RAP1GDS1: variants seen among roughly 807,000 people sequenced by gnomAD.
RAP1GDS1 encodes the protein RAP1, GTP-GDP dissociation stimulator 1.
RAP1GDS1 carries 35 observed loss-of-function variants against 71.1 expected under a neutral mutation model. That is an observed-to-expected ratio of 0.49 (90% CI 0.38 to 0.65). The LOEUF (loss-of-function observed/expected upper bound fraction) is 0.65. Ranked by LOEUF, RAP1GDS1 falls within the 30% of genes least tolerant of loss-of-function variation. The pLI is 0.00. For missense variants in RAP1GDS1, 663 were observed against 706.1 expected, an observed-to-expected ratio of 0.94 and a Z score of 0.69; for synonymous variants, 229 against 243.1, an observed-to-expected ratio of 0.94 and a Z score of 0.54.
intron 1 of RAP1GDS1, among the ~76,000 whole-genome samples, chr4:98,279,795 T>G (rs1017393777): frequency 6.6e-6 from 1 of 152,172 alleles, no homozygotes; most frequent in Admixed American, 6.5e-5. Context: ...TGTGTGATGT[T>G]CCCTGCCCTG....
intron 1 of RAP1GDS1, among the ~76,000 whole-genome samples, chr4:98,273,114 G>A (rs555363257): frequency 3.3e-5 from 5 of 152,116 alleles, no homozygotes; most frequent in East Asian, 3.9e-4. Flanking sequence ...CTAGGCTCTC[G>A]TCTCCTTTGC....
intron 5 of RAP1GDS1, chr4:98,379,380 T>C (rs1370903548): frequency 3.9e-5 from 18 of 462,846 alleles, no homozygotes; most frequent in African/African-American, 3.3e-4. Context: ...CCAGTTTTGA[T>C]CAGTATCAAA....
chr4:98,422,060 C>T (rs1327159545), intron 12 of RAP1GDS1, among the ~76,000 whole-genome samples: 2 of 151,588 alleles, frequency 1.3e-5, no homozygotes, highest in African/African-American at 4.8e-5. Flanking sequence ...ATTAGCTGGG[C>T]GTGGTGGCGG....
chr4:98,407,078 A>G (rs1746230467), intron 7 of RAP1GDS1, among the ~76,000 whole-genome samples: 2 of 152,156 alleles, frequency 1.3e-5, no homozygotes, highest in East Asian at 1.9e-4. Context: ...AATTTAGGGG[A>G]AAGAAAATAT....
chr4:98,343,309 A>C (rs751812635), intron 3 of RAP1GDS1, 48 bp downstream of exon 3: 1 of 1,531,748 alleles, frequency 6.5e-7, no homozygotes, highest in African/African-American at 1.4e-5. Context: ...CTTCAGTTTT[A>C]CATCTTACTT....
chr4:98,285,085 G>C (rs1725776399), intron 1 of RAP1GDS1, among the ~76,000 whole-genome samples: 1 of 152,054 alleles, frequency 6.6e-6, no homozygotes, highest in South Asian at 2.1e-4. Context: ...TTTGTTTTAT[G>C]CCAGTAAATT....
At chr4:98,405,608 A>T (rs561974255) in intron 7 of RAP1GDS1, among the ~76,000 whole-genome samples, 1 of 152,192 alleles carries the variant, frequency 6.6e-6, no homozygotes, top group South Asian at 2.1e-4. Flanking sequence ...AAATGCAAAG[A>T]TCCAAGAAGC....
chr4:98,418,603 A>G, intron 9 of RAP1GDS1, 54 bp from the exon 10 acceptor site: 1 of 1,465,230 alleles, frequency 6.8e-7, no homozygotes, highest in Non-Finnish European at 9.2e-7. Context: ...AGTATTATAA[A>G]GTATTTATAG....
At chr4:98,410,817 A>G (rs1746955328) in intron 7 of RAP1GDS1, among the ~76,000 whole-genome samples, 1 of 152,194 alleles carries the variant, frequency 6.6e-6, no homozygotes, top group African/African-American at 2.4e-5. Flanking sequence ...GTTTTTAGGA[A>G]TGATTATTTA....
chr4:98,304,381 T>C (rs192362635), intron 2 of RAP1GDS1, among the ~76,000 whole-genome samples: 61 of 152,342 alleles, frequency 4.0e-4, no homozygotes, highest in Admixed American at 2.3e-3. Flanking sequence ...TTTTTAGTAA[T>C]CACCATTCTG....
intron 1 of RAP1GDS1, among the ~76,000 whole-genome samples, chr4:98,272,237 C>G (rs999396941): frequency 6.6e-6 from 1 of 152,216 alleles, no homozygotes; most frequent in Non-Finnish European, 1.5e-5. Context: ...GGCGCAAACA[C>G]ATCTTTATTA....
chr4:98,325,034 C>T (rs956450839), intron 2 of RAP1GDS1, among the ~76,000 whole-genome samples: 6 of 150,478 alleles, frequency 4.0e-5, no homozygotes, highest in African/African-American at 1.5e-4. Flanking sequence ...TGACAAAGGG[C>T]TAATATCCAG....
At chr4:98,378,754 A>G (rs1741546729) in intron 4 of RAP1GDS1, among the ~76,000 whole-genome samples, 1 of 151,968 alleles carries the variant, frequency 6.6e-6, no homozygotes, top group African/African-American at 2.4e-5. Flanking sequence ...TCTAGGACAC[A>G]GGGAAGTTCT....
At chr4:98,385,922 T>C (rs2110116019) in intron 5 of RAP1GDS1, among the ~76,000 whole-genome samples, 1 of 152,066 alleles carries the variant, frequency 6.6e-6, no homozygotes, top group East Asian at 1.9e-4. Flanking sequence ...TAACTTGCTG[T>C]ACAAAAATTC....
At chr4:98,267,923 A>ATTGCG (rs1235597678) in intron 1 of RAP1GDS1, among the ~76,000 whole-genome samples, 1 of 152,196 alleles carries the variant, frequency 6.6e-6, no homozygotes, top group Non-Finnish European at 1.5e-5. Flanking sequence ...AAGTCTCCAA[A>ATTGCG]TTGCGTTCCA....
chr4:98,341,557 A>T (rs149538349), intron 2 of RAP1GDS1, among the ~76,000 whole-genome samples: 1 of 152,148 alleles, frequency 6.6e-6, no homozygotes, highest in African/African-American at 2.4e-5. Context: ...CTTATGCCAG[A>T]CTCTTGCTGT....
At chr4:98,383,984 T>C (rs1009110405) in intron 5 of RAP1GDS1, among the ~76,000 whole-genome samples, 2 of 151,602 alleles carry the variant, frequency 1.3e-5, no homozygotes, top group Non-Finnish European at 3.0e-5. Flanking sequence ...AGCTAGTTAA[T>C]AATTTATATA....
At chr4:98,414,442 A>G (rs912402107) in intron 7 of RAP1GDS1, among the ~76,000 whole-genome samples, 3 of 143,992 alleles carry the variant, frequency 2.1e-5, no homozygotes, top group Admixed American at 2.1e-4. Context: ...ATGGCTAGCC[A>G]GTTTTCCCAG....
chr4:98,299,410 TAACA>T (rs1728252557), intron 2 of RAP1GDS1, among the ~76,000 whole-genome samples: 1 of 152,166 alleles, frequency 6.6e-6, no homozygotes, highest in African/African-American at 2.4e-5. Context: ...ATATCAACAT[TAACA>T]GGAATTTGGA....
Sources: allele counts gnomAD v4.1 joint callset (sites outside exome capture counted in the v4.1 genomes callset), GRCh38; gene constraint gnomAD v4.1.1; transcripts MANE v1.5; gene names NCBI Gene and HGNC (gene_info 2026-07-23, HGNC 2026-07-21).